Variants in CEMIP observed in about 807,000 individuals in gnomAD.
CEMIP encodes the protein cell migration-inducing and hyaluronan-binding protein.
A neutral mutation model predicts 156.9 loss-of-function variants in CEMIP; 105 were observed. That is an observed-to-expected ratio of 0.67 (90% CI 0.57 to 0.79). The LOEUF (loss-of-function observed/expected upper bound fraction) is 0.79. CEMIP is among the 30% of genes least tolerant of loss of function. The pLI is 0.00. For missense variants in CEMIP, 1,457 were observed against 1,769.4 expected (o/e 0.82, Z 3.17); for synonymous variants, 676 against 668.4 (o/e 1.01, Z -0.17).
chr15:80,949,294 T>G lies in CEMIP; in HGVS notation c.*370T>G, dbSNP rs1596218317. ...CAGGAGCCCTGACCCAGCTAGGAGG[T>G]AGTCTGGAGGGCTGGTCATTCACAG... On this transcript the variant is annotated 3_prime_UTR_variant, in exon 30 of 30. Coordinates refer to ENST00000394685, the MANE Select transcript of CEMIP (RefSeq NM_001293298.2). 2.8e-6 allele frequency: 1 copy of G among 362,096 alleles called. No individual in the cohort carries two copies. Among genetic ancestry groups the G allele is most frequent in the African/African-American group, 2.1e-5 (1 of 47,350 alleles). The allele number at this position is 362,096 out of a possible 1,614,324, so 22.4% of individuals were successfully genotyped here.
chr15:80,946,596 A>G (rs1901563446), intron 28 of CEMIP: 1 of 260,238 alleles, frequency 3.8e-6, no homozygotes, highest in South Asian at 5.0e-5. Flanking sequence ...AGGGTTGAGA[A>G]CATTCAAGGG....
At chr15:80,882,054 G>T (rs1051172506) in intron 6 of CEMIP, among the ~76,000 whole-genome samples, 2 of 152,146 alleles carry the variant, frequency 1.3e-5, no homozygotes, top group African/African-American at 4.8e-5. Flanking sequence ...GCTACCCTGG[G>T]GCTGCTGGGG....
intron 15 of CEMIP, among the ~76,000 whole-genome samples, chr15:80,920,543 G>C (rs1428389043): frequency 6.6e-6 from 1 of 152,090 alleles, no homozygotes; most frequent in African/African-American, 2.4e-5. Flanking sequence ...GAGGATCCCT[G>C]TTCTCATCTG....
intron 1 of CEMIP, among the ~76,000 whole-genome samples, chr15:80,816,465 C>T (rs755631901): frequency 1.3e-5 from 2 of 152,168 alleles, no homozygotes; most frequent in Non-Finnish European, 2.9e-5. Context: ...TATCACCTCT[C>T]CTCTCCTTGC....
At position 80,827,790 on chromosome 15, in the gene CEMIP, G is replaced by A. The variant is rs181931326; in HGVS notation, c.-175-45748G>A. Among the ~76,000 whole-genome samples the A allele has an allele frequency of 2.0e-3, 310 of 152,274 alleles. 1 individual carries two copies. Among genetic ancestry groups the A allele is most frequent in the African/African-American group, 7.3e-3 (302 of 41,542 alleles). ...AAATTATCATGGAGAGGAGACTAGA[G>A]TGAAAAATCTCCTCCCTCCATCTCC... On this transcript the variant is annotated intron_variant, in intron 1 of 29. Transcript: ENST00000394685.
At chr15:80,879,619 T>C (rs1392751536) in intron 4 of CEMIP, 97 bp from the exon 5 acceptor site, 1 of 1,412,386 alleles carries the variant, frequency 7.1e-7, no homozygotes, top group Non-Finnish European at 1.0e-6. Context: ...CCTGCCCCGG[T>C]GAGATGGGGA....
rs1900999093 is a variant in CEMIP at position 80,933,381 on chromosome 15, A to G, written c.2930A>G (p.Asp977Gly). The change falls in exon 23 of 30, where the codon GAC (aspartate) becomes GGC (glycine). Residue 977 changes from aspartate to glycine, a missense_variant. Physicochemically the swap from Asp to Gly is moderately conservative, Grantham distance 94. Around this residue, in one of 5 missense-constraint regions of CEMIP, gnomAD observed 798 missense variants for 980.1 expected, o/e 0.81. Transcript: ENST00000394685. ...CCTGGCTCCTACCTCACGAAGAATGACAACTGGCTGGTCCGGCACCCAGAC... is the reference window on the plus strand; with the variant it reads ...CCTGGCTCCTACCTCACGAAGAATGGCAACTGGCTGGTCCGGCACCCAGAC... The part of the protein sequence containing the change: ...EYPGSYLTKN[D>G]NWLVRHPDCI... 6.2e-7 allele frequency: 1 copy of G among 1,614,070 alleles called. No homozygotes were observed. Among genetic ancestry groups the G allele is most frequent in the African/African-American group, 1.3e-5 (1 of 74,916 alleles).
intron 1 of CEMIP, among the ~76,000 whole-genome samples, chr15:80,810,348 T>G (rs1896628693): frequency 6.6e-6 from 1 of 152,154 alleles, no homozygotes; most frequent in Non-Finnish European, 1.5e-5. Flanking sequence ...TTTTCTTTTT[T>G]GAGTCACCTG....
intron 1 of CEMIP, among the ~76,000 whole-genome samples, chr15:80,830,643 G>C (rs1203138854): frequency 6.6e-6 from 1 of 152,140 alleles, no homozygotes; most frequent in Non-Finnish European, 1.5e-5. Context: ...GTGACTCCCT[G>C]CATTTTATTT....
intron 14 of CEMIP, among the ~76,000 whole-genome samples, chr15:80,914,096 C>T (rs201034825): frequency 9.5e-6 from 1 of 105,354 alleles, no homozygotes; most frequent in Non-Finnish European, 2.3e-5. Flanking sequence ...GAAGGCTCTA[C>T]AGTATCTGTA....
chr15:80,856,049 C>T, intron 1 of CEMIP, among the ~76,000 whole-genome samples: 1 of 152,142 alleles, frequency 6.6e-6, no homozygotes, highest in East Asian at 1.9e-4. Flanking sequence ...TACATGAAGT[C>T]CTAGCAGAGG....
intron 9 of CEMIP, 143 bp from the exon 10 acceptor site, chr15:80,889,328 G>A: frequency 9.1e-7 from 1 of 1,097,306 alleles, no homozygotes; most frequent in Non-Finnish European, 1.4e-6. Context: ...ATTGATTAGA[G>A]CCATCCATGC....
intron 10 of CEMIP, among the ~76,000 whole-genome samples, chr15:80,893,857 T>G (rs1433877609): frequency 1.3e-5 from 2 of 151,266 alleles, no homozygotes; most frequent in African/African-American, 4.9e-5. Flanking sequence ...TTTGACTGGC[T>G]ATACTTTCCT....
At chr15:80,902,146 C>G (rs17248736) in intron 12 of CEMIP, among the ~76,000 whole-genome samples, 31,452 of 152,114 alleles carry the variant, frequency 0.21, 3,492 homozygotes, top group Non-Finnish European at 0.23. Context: ...TTCTCTTGAC[C>G]CTGGGGTACC....
At position 80,884,172 on chromosome 15, in the gene CEMIP, T is replaced by C; in HGVS notation, c.618-3T>C. 6.2e-7 allele frequency: 1 copy of C among 1,614,146 alleles called. No individual in the cohort carries two copies. Reference sequence around the variant, plus strand: ...TCAGATCTCTTCTCTCTGCCCTTTTTAGGTTTGACACCTATAGATCCAAGA... The same window carrying C: ...TCAGATCTCTTCTCTCTGCCCTTTTCAGGTTTGACACCTATAGATCCAAGA... On this transcript the variant is annotated splice_region_variant and splice_polypyrimidine_tract_variant and intron_variant, in intron 6 of 29. Coordinates refer to ENST00000394685, the MANE Select transcript of CEMIP (RefSeq NM_001293298.2).
At chr15:80,871,595 T>C (rs1898293836) in intron 1 of CEMIP, among the ~76,000 whole-genome samples, 1 of 152,092 alleles carries the variant, frequency 6.6e-6, no homozygotes, top group Non-Finnish European at 1.5e-5. Context: ...CCAGCCTGCC[T>C]CCCATACCCT....
intron 1 of CEMIP, among the ~76,000 whole-genome samples, chr15:80,805,750 T>C (rs560026172): frequency 6.6e-6 from 1 of 152,386 alleles, no homozygotes; most frequent in Admixed American, 6.5e-5. Context: ...AAATTTAAAT[T>C]GCTTACATAA....
At chr15:80,841,337 A>G (rs976734515) in intron 1 of CEMIP, among the ~76,000 whole-genome samples, 7 of 152,158 alleles carry the variant, frequency 4.6e-5, no homozygotes, top group African/African-American at 1.7e-4. Flanking sequence ...CCACCTAAAC[A>G]AAGGGCCCCC....
In CEMIP at chr15:80,889,678, G is replaced by T. The variant is rs919017055; in HGVS notation, c.1086+86G>T. ...GATCACAGACATTCTTGTCACTTGG[G>T]TGCTGTGATTCTCGTTGCCCTCCTG... is the stretch of plus-strand genomic sequence containing the variant. On this transcript the variant is annotated intron_variant, in intron 10 of 29. Transcript: ENST00000394685. 1.5e-5 allele frequency: 24 copies of T among 1,558,826 alleles called. No individual in the cohort carries two copies. In the South Asian group the frequency reaches 2.7e-4, roughly 17 times the overall value.
Sources: allele counts gnomAD v4.1 joint callset (sites outside exome capture counted in the v4.1 genomes callset), GRCh38; gene constraint gnomAD v4.1.1; regional missense constraint gnomAD v4.1.1; transcripts MANE v1.5; gene names NCBI Gene and HGNC (gene_info 2026-07-23, HGNC 2026-07-21).